The following VTI1A variants were observed in gnomAD, a reference collection of about 807,000 sequenced individuals.
VTI1A encodes the protein vesicle transport through interaction with t-SNAREs homolog 1A.
A neutral mutation model predicts 34.9 loss-of-function variants in VTI1A; 22 were observed. The ratio of observed to expected loss-of-function variants is 0.63; its 90% CI spans 0.45 to 0.90. VTI1A has a LOEUF of 0.90. Among genes scored for constraint, VTI1A ranks in the 40% least tolerant of loss-of-function variants. The pLI, the probability that VTI1A is intolerant of heterozygous loss-of-function variation, is 0.00. For missense variants in VTI1A, 268 were observed against 275.6 expected (o/e 0.97, Z 0.20); for synonymous variants, 87 against 97.3 (o/e 0.89, Z 0.62).
chr10:112,671,302 A>G (rs143245846), intron 7 of VTI1A, among the ~76,000 whole-genome samples: 1,792 of 152,316 alleles, frequency 0.012, 31 homozygotes, highest in African/African-American at 0.041. Flanking sequence ...CTGCATAGCT[A>G]TATCGTGTGT....
intron 7 of VTI1A, among the ~76,000 whole-genome samples, chr10:112,755,761 T>C (rs1478550684): frequency 6.6e-6 from 1 of 152,214 alleles, no homozygotes; most frequent in Non-Finnish European, 1.5e-5. Context: ...TGTGTATATA[T>C]ATAAAAAATG....
the VTI1A span, among the ~76,000 whole-genome samples, chr10:112,854,498 ACC>A: frequency 1.9e-3 from 292 of 152,276 alleles, no homozygotes; most frequent in Middle Eastern, 6.8e-3. Context: ...ACTTACAGTC[ACC>A]AGCTGGGCCC....
chr10:112,595,725 T>C (rs1320709223), intron 5 of VTI1A, among the ~76,000 whole-genome samples: 1 of 151,292 alleles, frequency 6.6e-6, no homozygotes, highest in Admixed American at 6.6e-5. Context: ...GACTGTAAAC[T>C]AGTTCAACCA....
chr10:112,507,809 T>G (rs1421695166), intron 3 of VTI1A, among the ~76,000 whole-genome samples: 3 of 152,216 alleles, frequency 2.0e-5, no homozygotes, highest in Non-Finnish European at 2.9e-5. Flanking sequence ...CCTAATCTAT[T>G]GTGCCAGGTC....
At chr10:112,646,613 C>T (rs959807727) in intron 5 of VTI1A, among the ~76,000 whole-genome samples, 11 of 152,026 alleles carry the variant, frequency 7.2e-5, no homozygotes, top group African/African-American at 2.4e-4. Flanking sequence ...CAGGTTCAAG[C>T]AATTCCTGTC....
chr10:112,497,328 A>AT (rs907023318), intron 3 of VTI1A, among the ~76,000 whole-genome samples: 29 of 151,718 alleles, frequency 1.9e-4, no homozygotes, highest in African/African-American at 5.3e-4. Context: ...AAAAAAAAAA[A>AT]AATAATAATA....
intron 7 of VTI1A, among the ~76,000 whole-genome samples, chr10:112,693,290 T>C (rs1848667297): frequency 6.6e-6 from 1 of 152,216 alleles, no homozygotes; most frequent in Admixed American, 6.5e-5. Context: ...CTCATGTCTG[T>C]AATCCCAGCA....
At chr10:112,803,061 A>G (rs1289292767) in intron 7 of VTI1A, among the ~76,000 whole-genome samples, 3 of 151,862 alleles carry the variant, frequency 2.0e-5, no homozygotes, top group Admixed American at 2.0e-4. Context: ...CCCCCTCTTC[A>G]TTTTATTTTA....
chr10:112,466,804 C>T (rs1010535831), intron 3 of VTI1A, among the ~76,000 whole-genome samples: 1 of 146,530 alleles, frequency 6.8e-6, no homozygotes, highest in Non-Finnish European at 1.5e-5. Flanking sequence ...GCTTAAACAA[C>T]AGAAATTTGT....
At chr10:112,636,171 C>A (rs1264360995) in intron 5 of VTI1A, among the ~76,000 whole-genome samples, 1 of 152,284 alleles carries the variant, frequency 6.6e-6, no homozygotes, top group Admixed American at 6.5e-5. Context: ...TGGATGAATA[C>A]CTGTCAAAGT....
chr10:112,614,417 C>G (rs927700559), intron 5 of VTI1A, among the ~76,000 whole-genome samples: 3 of 152,148 alleles, frequency 2.0e-5, no homozygotes, highest in African/African-American at 7.2e-5. Context: ...ATTTGGTTCA[C>G]TCTTTTGTGG....
chr10:112,826,465 A>C, the VTI1A span: 8 of 152,284 alleles, frequency 5.3e-5, no homozygotes, highest in Non-Finnish European at 8.8e-5. Context: ...CAGAGTTAGA[A>C]CCACCCGGAG....
At position 112,816,360 on chromosome 10, in the gene VTI1A, C is replaced by T. The variant is rs1239538925; in HGVS notation, c.*977C>T. On this transcript the variant is annotated 3_prime_UTR_variant, in exon 8 of 8. Transcript: ENST00000393077. ...AATGTGATTATAAATATGGGAGAGT[C>T]CTATAGGAGGGTCCACCAGAGATAA... The T allele has an allele frequency of 4.5e-6, 1 of 221,328 alleles. No homozygotes were observed. Among genetic ancestry groups the T allele is most frequent in the African/African-American group, 2.2e-5 (1 of 44,710 alleles). 13.7% of individuals were successfully genotyped at this position (221,328 alleles called of 1,614,324 possible). A position where few individuals can be genotyped will look rare whatever the true frequency, so the allele number is the denominator to read the frequency against.
chr10:112,673,697 G>C (rs1590054935), intron 7 of VTI1A, among the ~76,000 whole-genome samples: 1 of 152,182 alleles, frequency 6.6e-6, no homozygotes, highest in Admixed American at 6.5e-5. Context: ...TTTCGAGTTA[G>C]CCTGGGGAAT....
chr10:112,618,394 T>C (rs958289467), intron 5 of VTI1A, among the ~76,000 whole-genome samples: 2 of 149,598 alleles, frequency 1.3e-5, no homozygotes, highest in African/African-American at 4.9e-5. Flanking sequence ...CATCCTTAGG[T>C]GCAAAGCTAA....
intron 7 of VTI1A, among the ~76,000 whole-genome samples, chr10:112,811,584 T>C (rs1853303605): frequency 6.8e-6 from 1 of 146,686 alleles, no homozygotes; most frequent in Admixed American, 7.1e-5. Flanking sequence ...CTCGGGAGGC[T>C]GAGGCGGGAG....
chr10:112,830,849 A>ATATATATTTT, the VTI1A span, among the ~76,000 whole-genome samples: 2 of 33,498 alleles, frequency 6.0e-5, no homozygotes, highest in African/African-American at 1.4e-4. Context: ...ATATATATAT[A>ATATATATTTT]TTTTTTTTTT....
intron 3 of VTI1A, among the ~76,000 whole-genome samples, chr10:112,520,864 C>A (rs1043340198): frequency 6.6e-6 from 1 of 151,782 alleles, no homozygotes; most frequent in Non-Finnish European, 1.5e-5. Flanking sequence ...AATAAAAAGA[C>A]AAAATTTTTT....
intron 3 of VTI1A, among the ~76,000 whole-genome samples, chr10:112,512,724 G>A (rs896207148): frequency 6.6e-6 from 1 of 152,064 alleles, no homozygotes; most frequent in Non-Finnish European, 1.5e-5. Context: ...TTTTGTATAT[G>A]GTGAGAGATA....
Sources: gnomAD v4.1 joint callset for allele counts (sites outside exome capture counted in the v4.1 genomes callset) on GRCh38, gnomAD v4.1.1 for gene constraint, MANE v1.5 for transcripts, NCBI Gene and HGNC (gene_info 2026-07-23, HGNC 2026-07-21) for gene names.